CACNA1I: variants seen among roughly 807,000 people sequenced by gnomAD.
CACNA1I encodes voltage-dependent T-type calcium channel subunit alpha-1I.
Under a neutral mutation model 201.6 loss-of-function variants are expected in CACNA1I, and 74 were observed. The observed-to-expected ratio is 0.37, with a 90% CI of 0.30 to 0.45. The LOEUF (loss-of-function observed/expected upper bound fraction) is 0.45. Ranked by LOEUF, CACNA1I falls within the 20% of genes least tolerant of loss-of-function variation. The probability of loss-of-function intolerance (pLI) is 1.00; values close to 1 mark genes in which losing one functional copy is unlikely to be tolerated. For missense variants in CACNA1I, 2,346 were observed against 3,138.1 expected (o/e 0.75, Z 6.03); for synonymous variants, 1,431 against 1,345.2 (o/e 1.06, Z -1.40).
intron 1 of CACNA1I, among the ~76,000 whole-genome samples, chr22:39,582,243 C>G (rs1212367347): frequency 6.6e-6 from 1 of 152,184 alleles, no homozygotes; most frequent in Admixed American, 6.5e-5. Context: ...GTAACCCCTC[C>G]TCTCTGGGTC....
At chr22:39,673,539 T>G (rs926849952) in intron 28 of CACNA1I, among the ~76,000 whole-genome samples, 1 of 152,214 alleles carries the variant, frequency 6.6e-6, no homozygotes, top group Non-Finnish European at 1.5e-5. Flanking sequence ...GCCTCCTGCC[T>G]CAGGGCGAGC....
chr22:39,664,927 A>G lies in CACNA1I; in HGVS notation c.3851+4A>G, dbSNP rs1438751954. The G allele has an allele frequency of 2.5e-6, 4 of 1,610,858 alleles. No homozygotes were observed. The highest frequency in any genetic ancestry group is 3.4e-6 in the Non-Finnish European group (4 of 1,179,692). On this transcript the variant is annotated splice_donor_region_variant and intron_variant, in intron 21 of 36. Transcript: ENST00000402142. ...TGCGCACCCTACGCCCCCTGCGGTG[A>G]GGACCCCTCCTGGGCGGATGGGGGA...
At position 39,686,154 on chromosome 22, in the gene CACNA1I, C is replaced by A; in HGVS notation, c.6421C>A (p.Pro2141Thr). The change falls in exon 37 of 37, where the codon CCG becomes ACG. Residue 2141 changes from proline to threonine, a missense_variant. By Grantham distance (38) the Pro-to-Thr change is conservative. Around this residue, in one of 13 missense-constraint regions of CACNA1I, gnomAD observed 187 missense variants for 151.0 expected, o/e 1.24. Transcript: ENST00000402142. ...CACCTCCCTCTTCTGCCCGCCGCCC[C>A]CGCCGCCAGCCCCCGGCCTCACGCC... ...SLTSLFCPPP[P>T]PPAPGLTPAR... The A allele has an allele frequency of 8.6e-6, 11 of 1,281,608 alleles. No homozygotes were observed. Among genetic ancestry groups the A allele is most frequent in the South Asian group, 2.5e-5 (1 of 39,666 alleles). 79.4% of individuals were successfully genotyped at this position (1,281,608 alleles called of 1,614,324 possible). A position where few individuals can be genotyped will look rare whatever the true frequency, so the allele number is the denominator to read the frequency against.
chr22:39,571,083 G>C, intron 1 of CACNA1I, 95 bp downstream of exon 1: 2 of 1,101,236 alleles, frequency 1.8e-6, no homozygotes, highest in Non-Finnish European at 1.4e-6. Context: ...CTCCGGCTGG[G>C]AGACCTGAGG....
chr22:39,672,385 T>C (rs1180318704), intron 27 of CACNA1I, 77 bp downstream of exon 27: 4 of 999,602 alleles, frequency 4.0e-6, no homozygotes, highest in Non-Finnish European at 6.4e-6. Flanking sequence ...CTTAGGGAAG[T>C]CTGGAGCAGC....
chr22:39,646,830 G>A lies in CACNA1I; in HGVS notation c.1411G>A (p.Ala471Thr), dbSNP rs1422976511. 3 of 1,538,172 alleles carry A rather than the reference G, an allele frequency of 2.0e-6. No homozygotes were observed. The highest frequency in any genetic ancestry group is 4.9e-5 in the East Asian group (2 of 40,790). The change falls in exon 8 of 37, where the codon GCC becomes ACC. Residue 471 changes from alanine (A) to threonine (T), a missense_variant. Physicochemically the swap from Ala to Thr is moderately conservative, Grantham distance 58. This residue lies in a region of CACNA1I where 312 missense variants were observed against 331.5 expected (regional missense o/e 0.94). Transcript: ENST00000402142. ...QSRRQALGPE[A>T]PAPAKPGPHA... ...CCGGCGCCAGGCCCTGGGCCCGGAG[G>A]CCCCGGCCCCCGCCAAACCTGGGCC...
intron 1 of CACNA1I, among the ~76,000 whole-genome samples, chr22:39,592,626 A>T (rs1932835659): frequency 6.6e-6 from 1 of 152,160 alleles, no homozygotes; most frequent in Non-Finnish European, 1.5e-5. Context: ...GGCAGTTGGG[A>T]GCCATTGAAG....
chr22:39,673,142 A>G (rs766143899), intron 28 of CACNA1I, 60 bp downstream of exon 28: 46 of 546,370 alleles, frequency 8.4e-5, no homozygotes, highest in Middle Eastern at 3.3e-4. Context: ...GAGACTCCTC[A>G]TTGCCTGATG....
rs377381817 is a variant in CACNA1I, at chr22:39,600,507, C to T, written c.349-13C>T. The T allele has an allele frequency of 3.0e-5, 48 of 1,610,530 alleles. No individual in the cohort carries two copies. The African/African-American group carries it at 5.7e-4, about 19-fold the overall frequency. On this transcript the variant is annotated splice_polypyrimidine_tract_variant and intron_variant, in intron 2 of 36. Coordinates refer to ENST00000402142, the MANE Select transcript of CACNA1I (RefSeq NM_021096.4). ...TCACCCTGTCCCTTGCTTCCCTCCT[C>T]CTGCCCCTGCAGGTCTTTGATGACT... is the stretch of plus-strand genomic sequence containing the variant.
chr22:39,647,718 T>G, intron 8 of CACNA1I, 104 bp from the exon 9 acceptor site: 1 of 828,746 alleles, frequency 1.2e-6, no homozygotes, highest in Non-Finnish European at 2.0e-6. Context: ...CTGGCCAAGT[T>G]TATGCTTTTA....
chr22:39,609,441 G>A (rs972978981), intron 3 of CACNA1I, among the ~76,000 whole-genome samples: 2 of 152,276 alleles, frequency 1.3e-5, no homozygotes. Flanking sequence ...TCTGGTTACT[G>A]GTGATAGTTC....
In CACNA1I at chr22:39,686,070, G is replaced by C. The variant is rs1419816552; in HGVS notation, c.6337G>C (p.Gly2113Arg). 8.1e-7 allele frequency: 1 copy of C among 1,237,186 alleles called. No individual in the cohort carries two copies. 76.6% of individuals were successfully genotyped at this position (1,237,186 alleles called of 1,614,324 possible). Reference sequence around the variant, plus strand: ...CCCCTCGGACGAGGAGGGCCGCGGTGGCGCGGGCGGCGGGGGCGCGGGCAG... The same window carrying C: ...CCCCTCGGACGAGGAGGGCCGCGGTCGCGCGGGCGGCGGGGGCGCGGGCAG... Reference protein sequence around the residue: ...MDPSDEEGRGGAGGGGAGSEH... With the variant: ...MDPSDEEGRGRAGGGGAGSEH... The change falls in exon 37 of 37, where the codon GGC becomes CGC. Residue 2113 changes from glycine (G) to arginine (R), a missense_variant. By Grantham distance (125) the Gly-to-Arg change is moderately radical. Transcript: ENST00000402142.
At chr22:39,644,968 A>G (rs1934445989) in intron 7 of CACNA1I, among the ~76,000 whole-genome samples, 1 of 151,984 alleles carries the variant, frequency 6.6e-6, no homozygotes, top group African/African-American at 2.4e-5. Flanking sequence ...GATTACAGGC[A>G]TGAGCCGCAG....
At chr22:39,585,731 T>TG (rs1297175651) in intron 1 of CACNA1I, among the ~76,000 whole-genome samples, 3 of 135,214 alleles carry the variant, frequency 2.2e-5, no homozygotes, top group Non-Finnish European at 3.2e-5. Flanking sequence ...TTTAAAGTTT[T>TG]TTTTTTTTTT....
At position 39,609,525 on chromosome 22, in the gene CACNA1I, G is replaced by A. The variant is rs544748225; in HGVS notation, c.482+8872G>A. Among the ~76,000 whole-genome samples the A allele has an allele frequency of 1.2e-4, 18 of 152,332 alleles. No individual in the cohort carries two copies. The South Asian group carries it at 2.3e-3, about 19-fold the overall frequency. ...TGGTCACAAGGCAGCCGGTGAAGCCGTGGGTGTCATGTCTGAATTAAAGAC... is the reference window on the plus strand; with the variant it reads ...TGGTCACAAGGCAGCCGGTGAAGCCATGGGTGTCATGTCTGAATTAAAGAC... On this transcript the variant is annotated intron_variant, in intron 3 of 36. Coordinates refer to ENST00000402142, the MANE Select transcript of CACNA1I (RefSeq NM_021096.4).
At position 39,647,874 on chromosome 22, in the gene CACNA1I, T is replaced by C. The variant is rs1440635353; in HGVS notation, c.1515T>C (p.His505=). The part of the protein sequence containing the change: ...GDEGRHLGSR[H]CQTLHGPASP... ...AAGGGAGACATCTCGGAAGCCGGCA[T>C]TGCCAGACTTTGCATGGGCCTGCCT... The change falls in exon 9 of 37, where the codon CAT becomes CAC. Residue 505 remains histidine, a synonymous_variant. Coordinates refer to ENST00000402142, the MANE Select transcript of CACNA1I (RefSeq NM_021096.4). 1 of 1,613,628 alleles carries C rather than the reference T, an allele frequency of 6.2e-7. No individual in the cohort carries two copies. Among genetic ancestry groups the C allele is most frequent in the Non-Finnish European group, 8.5e-7 (1 of 1,179,814 alleles).
chr22:39,653,452 A>G (rs769584546), intron 10 of CACNA1I, among the ~76,000 whole-genome samples: 16 of 152,094 alleles, frequency 1.1e-4, no homozygotes, highest in Non-Finnish European at 1.9e-4. Flanking sequence ...ATCCGCCCCC[A>G]TGTTTATTTT....
chr22:39,607,248 G>A (rs1933247581), intron 3 of CACNA1I, among the ~76,000 whole-genome samples: 2 of 152,220 alleles, frequency 1.3e-5, no homozygotes, highest in South Asian at 4.1e-4. Context: ...GAACAGCTGA[G>A]GGCAGGGTGT....
At chr22:39,671,024 A>C in intron 26 of CACNA1I, 70 bp downstream of exon 26, 3 of 1,476,626 alleles carry the variant, frequency 2.0e-6, no homozygotes, top group Non-Finnish European at 2.8e-6. Context: ...ACCCCACCCC[A>C]GGGATAGGGT....
Sources: gnomAD v4.1 joint callset for allele counts (sites outside exome capture counted in the v4.1 genomes callset) on GRCh38, gnomAD v4.1.1 for gene constraint, gnomAD v4.1.1 regional missense constraint, MANE v1.5 for transcripts, NCBI Gene and HGNC (gene_info 2026-07-23, HGNC 2026-07-21) for gene names.